FANCB: variants seen among roughly 807,000 people sequenced by gnomAD.
FANCB encodes FA complementation group B.
A neutral mutation model predicts 38.9 loss-of-function variants in FANCB; 5 were observed. The observed-to-expected ratio is 0.13, with a 90% CI of 0.07 to 0.27. The LOEUF is 0.27. FANCB is among the 10% of genes least tolerant of loss of function. FANCB has a pLI of 1.00. For synonymous variants in FANCB, 236 were observed against 215.4 expected (o/e 1.10, Z -0.84); for missense variants, 573 against 602.7 (o/e 0.95, Z 0.52).
the FANCB span, among the ~76,000 whole-genome samples, chrX:14,697,595 T>C: frequency 8.9e-6 from 1 of 111,755 alleles, no homozygotes; most frequent in African/African-American, 3.3e-5. Flanking sequence ...TGAAGTGCAA[T>C]TGGACACCAG....
At chrX:14,765,496 C>T in the FANCB span, among the ~76,000 whole-genome samples, 3 of 112,329 alleles carry the variant, frequency 2.7e-5, no homozygotes, top group South Asian at 3.7e-4. Context: ...GAGCAAACTC[C>T]GTTCTCCAGT....
chrX:14,740,738 T>C, the FANCB span, among the ~76,000 whole-genome samples: 2 of 111,775 alleles, frequency 1.8e-5, no homozygotes, highest in Non-Finnish European at 3.8e-5. Context: ...TGCCAATCCC[T>C]GCTCTAGATA....
chrX:14,860,053 T>TC (rs1261857455), intron 3 of FANCB, among the ~76,000 whole-genome samples: 1 of 111,513 alleles, frequency 9.0e-6, no homozygotes, highest in Non-Finnish European at 1.9e-5. Context: ...ACCTGAGACC[T>TC]CAAGTTTAAA....
At chrX:14,792,990 C>T in the FANCB span, among the ~76,000 whole-genome samples, 1 of 111,784 alleles carries the variant, frequency 8.9e-6, no homozygotes, top group African/African-American at 3.2e-5. Context: ...TTCTACATTT[C>T]CAAATGAATT....
At chrX:14,764,327 G>T in the FANCB span, among the ~76,000 whole-genome samples, 1 of 111,304 alleles carries the variant, frequency 9.0e-6, no homozygotes, top group African/African-American at 3.3e-5. Context: ...TCTGCTCATA[G>T]AGTCTGCTCA....
the FANCB span, among the ~76,000 whole-genome samples, chrX:14,815,719 G>A: frequency 2.7e-5 from 3 of 112,279 alleles, no homozygotes; most frequent in Admixed American, 9.4e-5. Context: ...CCACAGACAT[G>A]TTTATCACAG....
chrX:14,807,032 G>A, the FANCB span, among the ~76,000 whole-genome samples: 1 of 111,807 alleles, frequency 8.9e-6, no homozygotes, highest in African/African-American at 3.3e-5. Flanking sequence ...GAAGAAAAGG[G>A]AGAGGTTTAT....
intron 7 of FANCB, among the ~76,000 whole-genome samples, chrX:14,848,398 A>C (rs2092385826): frequency 9.0e-6 from 1 of 110,949 alleles, no homozygotes; most frequent in Admixed American, 9.5e-5. Context: ...TAGAGAGCCT[A>C]TAAATGGACG....
At chrX:14,750,428 C>T in the FANCB span, among the ~76,000 whole-genome samples, 1 of 111,962 alleles carries the variant, frequency 8.9e-6, no homozygotes, top group African/African-American at 3.2e-5. Flanking sequence ...AGTCTACGGC[C>T]GAATCCTCTG....
chrX:14,764,547 A>G, the FANCB span, among the ~76,000 whole-genome samples: 1 of 111,932 alleles, frequency 8.9e-6, no homozygotes, highest in African/African-American at 3.2e-5. Flanking sequence ...TGGCTAGAAT[A>G]AGACATGTGA....
At chrX:14,794,209 C>T in the FANCB span, among the ~76,000 whole-genome samples, 3 of 111,285 alleles carry the variant, frequency 2.7e-5, no homozygotes, top group Non-Finnish European at 5.7e-5. Flanking sequence ...TGATTTTTAA[C>T]GTATCTTAGA....
the FANCB span, among the ~76,000 whole-genome samples, chrX:14,823,933 A>C: frequency 9.0e-6 from 1 of 111,408 alleles, no homozygotes; most frequent in African/African-American, 3.3e-5. Context: ...TGAGAGGCCA[A>C]AGAAGAGACC....
the FANCB span, among the ~76,000 whole-genome samples, chrX:14,704,864 T>A: frequency 2.4e-4 from 27 of 111,599 alleles, no homozygotes; most frequent in Middle Eastern, 4.6e-3. Flanking sequence ...ATTTTAGAGG[T>A]CAATATCAGA....
At chrX:14,720,960 C>T in the FANCB span, among the ~76,000 whole-genome samples, 1 of 108,996 alleles carries the variant, frequency 9.2e-6, no homozygotes, top group East Asian at 2.9e-4. Flanking sequence ...AGTGAGACCC[C>T]CACCTCTACA....
chrX:14,801,017 G>A, the FANCB span, among the ~76,000 whole-genome samples: 1 of 107,917 alleles, frequency 9.3e-6, no homozygotes. Context: ...CACAGTGAAC[G>A]ACCATAGCAG....
At chrX:14,848,817 C>T (rs1601982068) in intron 7 of FANCB, among the ~76,000 whole-genome samples, 1 of 111,084 alleles carries the variant, frequency 9.0e-6, no homozygotes, top group South Asian at 3.8e-4. Flanking sequence ...GACCCTAAAT[C>T]CCTCACTAAC....
the FANCB span, among the ~76,000 whole-genome samples, chrX:14,779,153 G>A: frequency 1.6e-4 from 18 of 112,056 alleles, no homozygotes; most frequent in Admixed American, 9.4e-5. Flanking sequence ...ACCCAAGCAA[G>A]ACAAAAATCA....
the FANCB span, among the ~76,000 whole-genome samples, chrX:14,799,075 C>T: frequency 2.4e-4 from 27 of 111,628 alleles, no homozygotes; most frequent in Non-Finnish European, 4.9e-4. Flanking sequence ...CAGGAACATT[C>T]ATATTTGGTG....
At chrX:14,807,276 G>C in the FANCB span, among the ~76,000 whole-genome samples, 1 of 112,444 alleles carries the variant, frequency 8.9e-6, no homozygotes, top group South Asian at 3.6e-4. Context: ...AACTATATGT[G>C]AGAACATTTG....
Sources: allele counts gnomAD v4.1 joint callset (sites outside exome capture counted in the v4.1 genomes callset), GRCh38; gene constraint gnomAD v4.1.1; transcripts MANE v1.5; gene names NCBI Gene and HGNC (gene_info 2026-07-23, HGNC 2026-07-21).